AFF3: variants seen among roughly 807,000 people sequenced by gnomAD.
AFF3 encodes AF4/FMR2 family member 3.
A neutral mutation model predicts 129.7 loss-of-function variants in AFF3; 32 were observed. That is an observed-to-expected ratio of 0.25 (90% CI 0.19 to 0.33). The LOEUF (loss-of-function observed/expected upper bound fraction) is 0.33, where lower values mean the gene tolerates loss of function less well. AFF3 is among the 10% of genes least tolerant of loss of function. The pLI, the probability that AFF3 is intolerant of heterozygous loss-of-function variation, is 1.00. For missense variants in AFF3, 1,373 were observed against 1,592.0 expected (o/e 0.86, Z 2.34); for synonymous variants, 644 against 635.4 (o/e 1.01, Z -0.20).
At chr2:100,050,705 C>A (rs927485281) in intron 4 of AFF3, among the ~76,000 whole-genome samples, 1 of 152,144 alleles carries the variant, frequency 6.6e-6, no homozygotes. Context: ...TTTGTCTGAC[C>A]GAGAGAAATC....
At position 99,551,408 on chromosome 2, in the gene AFF3, A is replaced by C. The variant is rs545813769; in HGVS notation, c.*66T>G. The stretch of plus-strand genomic sequence containing the variant: ...TGCTGTGGCTGGGAGTTTCAGTAGC[A>C]CAGTGTCCAAAAACGTTGAGCCATC... On this transcript the variant is annotated 3_prime_UTR_variant, in exon 25 of 25. Transcript: ENST00000672756. 6.3e-7 allele frequency: 1 copy of C among 1,598,350 alleles called. No individual in the cohort carries two copies. The highest frequency in any genetic ancestry group is 1.1e-5 in the South Asian group (1 of 90,344).
At chr2:99,685,578 T>TA (rs1298274519) in intron 11 of AFF3, among the ~76,000 whole-genome samples, 1 of 152,142 alleles carries the variant, frequency 6.6e-6, no homozygotes, top group Non-Finnish European at 1.5e-5. Flanking sequence ...CGAGTTTATA[T>TA]AAAAAAAGAG....
At chr2:99,893,443 G>A (rs1693716765) in intron 7 of AFF3, among the ~76,000 whole-genome samples, 1 of 152,166 alleles carries the variant, frequency 6.6e-6, no homozygotes, top group Non-Finnish European at 1.5e-5. Flanking sequence ...ATTTGGAGAT[G>A]GGGCCTTTGG....
chr2:99,867,459 C>A (rs1431687366), intron 7 of AFF3, among the ~76,000 whole-genome samples: 1 of 151,348 alleles, frequency 6.6e-6, no homozygotes, highest in Non-Finnish European at 1.5e-5. Context: ...GTTTTCAGGT[C>A]ATTCTGCTGG....
chr2:99,642,550 G>C (rs1019123737), intron 13 of AFF3, among the ~76,000 whole-genome samples: 1 of 152,110 alleles, frequency 6.6e-6, no homozygotes, highest in African/African-American at 2.4e-5. Context: ...ACAAAGCATT[G>C]GTCTAGCTCA....
chr2:99,693,191 T>A (rs1675853755), intron 11 of AFF3, among the ~76,000 whole-genome samples: 1 of 152,262 alleles, frequency 6.6e-6, no homozygotes, highest in Admixed American at 6.5e-5. Flanking sequence ...AGTGGGATTT[T>A]AAAAAGTTGT....
rs1197356186 is a variant in AFF3 at position 99,993,290 on chromosome 2, A to G, written c.873+13342T>C. Among the ~76,000 whole-genome samples, 3 of 152,338 alleles carry G rather than the reference A, an allele frequency of 2.0e-5. No homozygotes were observed. The East Asian group carries it at 5.8e-4, about 29-fold the overall frequency. On this transcript the variant is annotated intron_variant, in intron 7 of 24. Coordinates refer to ENST00000672756, the MANE Select transcript of AFF3 (RefSeq NM_001386135.1). The stretch of plus-strand genomic sequence containing the variant: ...TTTGGTTCTGAAAAATGCCGCCTTA[A>G]AAGAAAGAACCAAAATTGAATAGTA...
chr2:99,797,881 A>G (rs1156838684), intron 8 of AFF3, among the ~76,000 whole-genome samples: 2 of 152,192 alleles, frequency 1.3e-5, no homozygotes, highest in African/African-American at 4.8e-5. Flanking sequence ...GTTCATAACC[A>G]GCAGATCCGC....
intron 8 of AFF3, among the ~76,000 whole-genome samples, chr2:99,810,996 AGATAATCCAG>A (rs549012125): frequency 6.6e-6 from 1 of 152,286 alleles, no homozygotes; most frequent in East Asian, 1.9e-4. Context: ...GTACCCATCC[AGATAATCCAG>A]GATAACCTCC....
At chr2:99,619,629 G>A (rs55779695) in intron 13 of AFF3, among the ~76,000 whole-genome samples, 49,598 of 152,048 alleles carry the variant, frequency 0.33, 8,093 homozygotes, top group African/African-American at 0.36. Context: ...GGGCGTGCCC[G>A]GGATTGGGTA....
At chr2:99,627,928 T>C (rs1682751577) in intron 13 of AFF3, among the ~76,000 whole-genome samples, 1 of 59,444 alleles carries the variant, frequency 1.7e-5, no homozygotes. Flanking sequence ...TATGTGTCTG[T>C]TTTTGTACCA....
chr2:99,810,947 T>C (rs1444838858), intron 8 of AFF3, among the ~76,000 whole-genome samples: 2 of 152,186 alleles, frequency 1.3e-5, no homozygotes, highest in African/African-American at 4.8e-5. Context: ...CTTTCCTCTG[T>C]CTTCCTCCCC....
intron 4 of AFF3, among the ~76,000 whole-genome samples, chr2:100,086,288 C>T (rs1268964201): frequency 3.3e-5 from 5 of 152,166 alleles, no homozygotes; most frequent in African/African-American, 1.2e-4. Flanking sequence ...TTTGGGAGGC[C>T]GAGGTGGGCA....
At chr2:99,816,748 C>T (rs1464472046) in intron 8 of AFF3, among the ~76,000 whole-genome samples, 1 of 152,082 alleles carries the variant, frequency 6.6e-6, no homozygotes. Flanking sequence ...GAACAAGAGT[C>T]TTGGTGGTGT....
intron 4 of AFF3, among the ~76,000 whole-genome samples, chr2:100,074,447 T>A (rs1013535457): frequency 6.6e-6 from 1 of 152,208 alleles, no homozygotes; most frequent in African/African-American, 2.4e-5. Context: ...ATGTTAATAA[T>A]CATGATAATA....
chr2:99,794,262 TTTTTC>T (rs1281864149), intron 8 of AFF3, among the ~76,000 whole-genome samples: 1 of 152,236 alleles, frequency 6.6e-6, no homozygotes, highest in Non-Finnish European at 1.5e-5. Context: ...TTGGTAAATG[TTTTTC>T]TTTTCTTTCT....
At chr2:99,967,476 A>C (rs1405477659) in intron 7 of AFF3, among the ~76,000 whole-genome samples, 1 of 152,152 alleles carries the variant, frequency 6.6e-6, no homozygotes, top group Non-Finnish European at 1.5e-5. Context: ...TACCAGACAC[A>C]GGGGTATGCT....
intron 4 of AFF3, among the ~76,000 whole-genome samples, chr2:100,034,430 G>C (rs778244098): frequency 2.6e-5 from 4 of 152,004 alleles, no homozygotes; most frequent in Non-Finnish European, 5.9e-5. Context: ...CCAATCCTCA[G>C]TTTTCAAATA....
intron 12 of AFF3, among the ~76,000 whole-genome samples, chr2:99,666,101 T>C (rs1278985154): frequency 6.6e-6 from 1 of 151,866 alleles, no homozygotes; most frequent in Admixed American, 6.6e-5. Context: ...ACAGGATGAG[T>C]GAAGATGGAA....
Sources: gnomAD v4.1 joint callset for allele counts (sites outside exome capture counted in the v4.1 genomes callset) on GRCh38, gnomAD v4.1.1 for gene constraint, MANE v1.5 for transcripts, NCBI Gene and HGNC (gene_info 2026-07-23, HGNC 2026-07-21) for gene names.